The following CTNND2 variants were observed in gnomAD, a reference collection of about 807,000 sequenced individuals.
CTNND2 encodes the protein catenin delta-2.
A neutral mutation model predicts 144.4 loss-of-function variants in CTNND2; 22 were observed. The observed-to-expected ratio is 0.15, with a 90% CI of 0.11 to 0.22. CTNND2 has a LOEUF of 0.22. Among genes scored for constraint, CTNND2 ranks in the 10% least tolerant of loss-of-function variants. The probability of loss-of-function intolerance (pLI) is 1.00; values close to 1 mark genes in which losing one functional copy is unlikely to be tolerated. For synonymous variants in CTNND2, 751 were observed against 695.6 expected (o/e 1.08, Z -1.25); for missense variants, 1,353 against 1,618.8 (o/e 0.84, Z 2.82).
intron 1 of CTNND2, among the ~76,000 whole-genome samples, chr5:11,884,553 T>C (rs1005697544): frequency 6.6e-6 from 1 of 151,958 alleles, no homozygotes; most frequent in Non-Finnish European, 1.5e-5. Flanking sequence ...TTTTGGTACC[T>C]TTTTGGTGGT....
chr5:11,452,586 A>C (rs61760272), intron 3 of CTNND2, among the ~76,000 whole-genome samples: 1,789 of 152,232 alleles, frequency 0.012, 42 homozygotes, highest in African/African-American at 0.041. Flanking sequence ...TTGATTTATA[A>C]TTTTTTAAAA....
intron 10 of CTNND2, among the ~76,000 whole-genome samples, chr5:11,229,164 C>T (rs1247621339): frequency 6.6e-6 from 1 of 152,142 alleles, no homozygotes; most frequent in Non-Finnish European, 1.5e-5. Context: ...GAAAGGAGTA[C>T]AAGTCAATCC....
intron 10 of CTNND2, among the ~76,000 whole-genome samples, chr5:11,234,682 G>A (rs565469404): frequency 1.2e-3 from 182 of 152,334 alleles, no homozygotes; most frequent in Non-Finnish European, 2.2e-3. Flanking sequence ...CATGGATCAC[G>A]TTTACAGAGC....
At chr5:11,427,981 G>A (rs1293562049) in intron 3 of CTNND2, among the ~76,000 whole-genome samples, 2 of 152,132 alleles carry the variant, frequency 1.3e-5, no homozygotes, top group Non-Finnish European at 2.9e-5. Context: ...CTTCTTACAT[G>A]GTGACAGCAA....
At chr5:11,902,703 G>C (rs1343267440) in intron 1 of CTNND2, among the ~76,000 whole-genome samples, 2 of 152,042 alleles carry the variant, frequency 1.3e-5, no homozygotes, top group African/African-American at 2.4e-5. Context: ...ATATTTGCTT[G>C]AGCACAGTAA....
At chr5:11,445,513 G>A (rs892384903) in intron 3 of CTNND2, among the ~76,000 whole-genome samples, 10 of 152,124 alleles carry the variant, frequency 6.6e-5, no homozygotes, top group Non-Finnish European at 1.0e-4. Flanking sequence ...AAAGCAAAGC[G>A]GCTCATGCCA....
At chr5:11,541,034 C>A (rs1486303320) in intron 3 of CTNND2, among the ~76,000 whole-genome samples, 2 of 152,190 alleles carry the variant, frequency 1.3e-5, no homozygotes, top group Non-Finnish European at 1.5e-5. Context: ...AAATACGACA[C>A]CATTGTTCTT....
intron 11 of CTNND2, among the ~76,000 whole-genome samples, chr5:11,167,051 C>G (rs1759407476): frequency 6.6e-6 from 1 of 152,132 alleles, no homozygotes; most frequent in East Asian, 1.9e-4. Context: ...CTTTAATATT[C>G]CAGAAGAGGA....
chr5:11,363,931 A>G (rs1756708185), intron 8 of CTNND2, among the ~76,000 whole-genome samples: 1 of 152,216 alleles, frequency 6.6e-6, no homozygotes, highest in Non-Finnish European at 1.5e-5. Context: ...CAGTCATTCC[A>G]GTTTACTTAG....
At chr5:11,281,843 A>G (rs1747158954) in intron 9 of CTNND2, among the ~76,000 whole-genome samples, 1 of 152,150 alleles carries the variant, frequency 6.6e-6, no homozygotes, top group African/African-American at 2.4e-5. Context: ...ACCTCTTTAA[A>G]TGGCCCATCT....
chr5:11,078,695 T>C (rs1177650785), intron 16 of CTNND2, among the ~76,000 whole-genome samples: 1 of 152,182 alleles, frequency 6.6e-6, no homozygotes, highest in Non-Finnish European at 1.5e-5. Context: ...TAGCTATTGA[T>C]TTTTTTCTCC....
At chr5:11,235,239 A>G (rs1290049232) in intron 10 of CTNND2, among the ~76,000 whole-genome samples, 1 of 152,238 alleles carries the variant, frequency 6.6e-6, no homozygotes, top group Non-Finnish European at 1.5e-5. Flanking sequence ...TTCAAAAAAG[A>G]AGACTGAAAG....
intron 2 of CTNND2, among the ~76,000 whole-genome samples, chr5:11,696,216 G>A (rs905468106): frequency 6.6e-6 from 1 of 152,226 alleles, no homozygotes; most frequent in Non-Finnish European, 1.5e-5. Flanking sequence ...AGGCATGAGT[G>A]TGCTGTGTTC....
intron 14 of CTNND2, among the ~76,000 whole-genome samples, chr5:11,102,257 C>T (rs1010901919): frequency 6.6e-6 from 1 of 152,132 alleles, no homozygotes; most frequent in African/African-American, 2.4e-5. Flanking sequence ...TTGTGCAAGT[C>T]ATTCACATGC....
chr5:11,895,945 AAC>A (rs1737363118), intron 1 of CTNND2, among the ~76,000 whole-genome samples: 1 of 152,182 alleles, frequency 6.6e-6, no homozygotes, highest in Non-Finnish European at 1.5e-5. Flanking sequence ...TTCTCATTAC[AAC>A]ACCCAGTGTT....
intron 1 of CTNND2, among the ~76,000 whole-genome samples, chr5:11,886,754 T>A (rs1736565523): frequency 6.6e-6 from 1 of 152,104 alleles, no homozygotes. Flanking sequence ...AGTAAGATGA[T>A]TCATAAAATA....
At chr5:11,485,390 C>T (rs528628239) in intron 3 of CTNND2, among the ~76,000 whole-genome samples, 148 of 142,708 alleles carry the variant, frequency 1.0e-3, no homozygotes, top group African/African-American at 3.8e-3. Context: ...CGCGCGCGTG[C>T]GCGCGCACAT....
chr5:11,204,972 A>G (rs1737890366), intron 10 of CTNND2, among the ~76,000 whole-genome samples: 1 of 152,140 alleles, frequency 6.6e-6, no homozygotes. Flanking sequence ...AAAAGGTTGG[A>G]GTAGCTTTTG....
intron 16 of CTNND2, among the ~76,000 whole-genome samples, chr5:11,025,100 C>G (rs1461347291): frequency 6.6e-6 from 1 of 151,744 alleles, no homozygotes; most frequent in African/African-American, 2.4e-5. Flanking sequence ...TTTTACTAGG[C>G]AATTGGAGAT....
Sources: allele counts gnomAD v4.1 joint callset (sites outside exome capture counted in the v4.1 genomes callset), GRCh38; gene constraint gnomAD v4.1.1; transcripts MANE v1.5; gene names NCBI Gene and HGNC (gene_info 2026-07-23, HGNC 2026-07-21).